TTC28: variants seen among roughly 807,000 people sequenced by gnomAD.
TTC28 encodes the protein tetratricopeptide repeat protein 28.
A neutral mutation model predicts 198.0 loss-of-function variants in TTC28; 61 were observed. The ratio of observed to expected loss-of-function variants is 0.31; its 90% CI spans 0.25 to 0.38. TTC28 has a LOEUF of 0.38. Among genes scored for constraint, TTC28 ranks in the 10% least tolerant of loss-of-function variants. The pLI is 1.00. For missense variants in TTC28, 2,678 were observed against 3,164.0 expected (o/e 0.85, Z 3.69); for synonymous variants, 1,171 against 1,297.8 (o/e 0.90, Z 2.10).
At chr22:28,455,306 T>C (rs1004496960) in intron 2 of TTC28, among the ~76,000 whole-genome samples, 2 of 152,194 alleles carry the variant, frequency 1.3e-5, no homozygotes, top group Admixed American at 6.5e-5. Context: ...TTAAATAAAA[T>C]GTACAGATAT....
At chr22:27,995,272 A>T (rs1428417663) in intron 17 of TTC28, among the ~76,000 whole-genome samples, 2 of 152,116 alleles carry the variant, frequency 1.3e-5, no homozygotes, top group Non-Finnish European at 2.9e-5. Context: ...GCCTGCAAGG[A>T]GGCCCTGGGG....
chr22:28,517,208 G>A (rs1942493503), intron 2 of TTC28, among the ~76,000 whole-genome samples: 2 of 152,144 alleles, frequency 1.3e-5, no homozygotes, highest in African/African-American at 4.8e-5. Context: ...GTGGTGTTTG[G>A]TTTTCTGTCC....
chr22:28,399,929 T>C (rs1346805000), intron 2 of TTC28, among the ~76,000 whole-genome samples: 3 of 152,192 alleles, frequency 2.0e-5, no homozygotes, highest in African/African-American at 4.8e-5. Flanking sequence ...ATGCACACTG[T>C]AGAAAATTAG....
chr22:28,492,314 G>C (rs1014835685), intron 2 of TTC28, among the ~76,000 whole-genome samples: 1 of 152,008 alleles, frequency 6.6e-6, no homozygotes, highest in South Asian at 2.1e-4. Flanking sequence ...AAAAGAGAAA[G>C]AAAATAGCTT....
chr22:28,658,852 C>G (rs1370998743), intron 1 of TTC28, among the ~76,000 whole-genome samples: 1 of 152,070 alleles, frequency 6.6e-6, no homozygotes, highest in African/African-American at 2.4e-5. Flanking sequence ...CAAAAATTAG[C>G]CGGACATGGT....
intron 1 of TTC28, among the ~76,000 whole-genome samples, chr22:28,646,255 C>T (rs116129954): frequency 1.3e-5 from 2 of 152,192 alleles, no homozygotes; most frequent in Admixed American, 6.5e-5. Flanking sequence ...CTGCTATGCA[C>T]TGGCAACAAT....
Position 28,633,288 on chromosome 22 carries a change from A to C in TTC28, c.103-3458T>G, listed in dbSNP as rs552244749. On this transcript the variant is annotated intron_variant, in intron 1 of 22. Coordinates refer to ENST00000397906, the MANE Select transcript of TTC28 (RefSeq NM_001145418.2). ...AGAACAAGACTCTGTCTCAAAAAAAAAAAAGAAAAAGAAAAAGAAAAAGAA... is the reference window on the plus strand; with the variant it reads ...AGAACAAGACTCTGTCTCAAAAAAACAAAAGAAAAAGAAAAAGAAAAAGAA... Among the ~76,000 whole-genome samples, 343 of 150,840 alleles carry C rather than the reference A, an allele frequency of 2.3e-3. 2 individuals carry two copies. Among genetic ancestry groups the C allele is most frequent in the Middle Eastern group, 0.014 (4 of 294 alleles).
intron 2 of TTC28, among the ~76,000 whole-genome samples, chr22:28,553,935 G>C (rs912385176): frequency 1.3e-5 from 2 of 152,248 alleles, no homozygotes; most frequent in Non-Finnish European, 2.9e-5. Flanking sequence ...ATAGAAAGGG[G>C]GGAAAGGTGG....
At chr22:28,275,152 C>CATTTA (rs1307875007) in intron 5 of TTC28, among the ~76,000 whole-genome samples, 1 of 152,106 alleles carries the variant, frequency 6.6e-6, no homozygotes, top group African/African-American at 2.4e-5. Context: ...TAAAACAGGA[C>CATTTA]AGACTATTCA....
chr22:28,233,386 A>G (rs1268909895), intron 5 of TTC28, among the ~76,000 whole-genome samples: 9 of 152,126 alleles, frequency 5.9e-5, no homozygotes, highest in Non-Finnish European at 2.9e-5. Context: ...TTACAGGGAG[A>G]TATCTCTATA....
At chr22:28,272,147 T>A (rs1459809525) in intron 5 of TTC28, among the ~76,000 whole-genome samples, 1 of 152,186 alleles carries the variant, frequency 6.6e-6, no homozygotes, top group Non-Finnish European at 1.5e-5. Context: ...AAACAAACCT[T>A]AGAGTCTTGA....
chr22:28,468,101 T>C (rs1350923997), intron 2 of TTC28, among the ~76,000 whole-genome samples: 1 of 151,876 alleles, frequency 6.6e-6, no homozygotes. Flanking sequence ...TTCAGAGAAA[T>C]AAGGTACAAA....
chr22:28,528,128 G>C (rs746146998), intron 2 of TTC28, among the ~76,000 whole-genome samples: 2 of 152,028 alleles, frequency 1.3e-5, no homozygotes. Flanking sequence ...ACAGCAATGG[G>C]GTAGAATGAA....
At chr22:28,052,996 A>C (rs941050555) in intron 12 of TTC28, among the ~76,000 whole-genome samples, 1 of 152,244 alleles carries the variant, frequency 6.6e-6, no homozygotes, top group Non-Finnish European at 1.5e-5. Context: ...GAGGGAGAGC[A>C]CTCATGTGGA....
intron 2 of TTC28, among the ~76,000 whole-genome samples, chr22:28,467,613 A>T (rs926912612): frequency 6.6e-6 from 1 of 152,220 alleles, no homozygotes; most frequent in Non-Finnish European, 1.5e-5. Flanking sequence ...CTAGCAATTG[A>T]CAGATTCTCA....
rs923669430 is a variant in TTC28, at chr22:27,982,862, G to A, written c.6805C>T (p.Arg2269Trp). 8.4e-6 allele frequency: 13 copies of A among 1,546,542 alleles called. No homozygotes were observed. The highest frequency in any genetic ancestry group is 1.4e-5 in the African/African-American group (1 of 72,920). The change falls in exon 23 of 23, where the codon CGG becomes TGG. Residue 2269 changes from arginine to tryptophan, a missense_variant. By Grantham distance (101) the Arg-to-Trp change is moderately radical. This residue lies in a region of TTC28 where 622 missense variants were observed against 656.0 expected (regional missense o/e 0.95). Transcript: ENST00000397906. The surrounding 1 kb of genome is among the most constrained non-coding windows in gnomAD (Gnocchi z 5.2). ...TGTGAGTCGCAGCCGGGCGATGGCCGGCCACTGTGCTGGCTCGGGCTGTCT... is the reference window on the plus strand; with the variant it reads ...TGTGAGTCGCAGCCGGGCGATGGCCAGCCACTGTGCTGGCTCGGGCTGTCT... The part of the protein sequence containing the change: ...IKDSPSQHSG[R>W]PSPGCDSQTS...
At chr22:28,418,216 C>T (rs1251732963) in intron 2 of TTC28, among the ~76,000 whole-genome samples, 5 of 152,154 alleles carry the variant, frequency 3.3e-5, no homozygotes, top group African/African-American at 9.7e-5. Context: ...GTGTCTTCAG[C>T]ATCTTATGGA....
chr22:28,580,136 T>C (rs897658620), intron 2 of TTC28, among the ~76,000 whole-genome samples: 1 of 152,168 alleles, frequency 6.6e-6, no homozygotes, highest in African/African-American at 2.4e-5. Context: ...CTACCCAACC[T>C]GAAGGTAGTT....
intron 2 of TTC28, among the ~76,000 whole-genome samples, chr22:28,337,255 G>A (rs1198895772): frequency 1.3e-5 from 2 of 152,078 alleles, no homozygotes; most frequent in Non-Finnish European, 2.9e-5. Context: ...GTGCTTTACT[G>A]CCAACTATGT....
Sources: allele counts gnomAD v4.1 joint callset (sites outside exome capture counted in the v4.1 genomes callset), GRCh38; gene constraint gnomAD v4.1.1; regional missense constraint gnomAD v4.1.1; non-coding constraint Gnocchi (gnomAD v3.1); transcripts MANE v1.5; gene names NCBI Gene and HGNC (gene_info 2026-07-23, HGNC 2026-07-21).